The following RYR1 variants were observed in gnomAD, a reference collection of about 807,000 sequenced individuals.
RYR1 encodes the protein central core disease of muscle.
RYR1 carries 342 observed loss-of-function variants against 583.5 expected under a neutral mutation model. The observed-to-expected ratio is 0.59, with a 90% confidence interval of 0.54 to 0.64. The LOEUF is 0.64. Ranked by LOEUF, RYR1 falls within the 30% of genes least tolerant of loss-of-function variation. RYR1 has a pLI of 0.00. For missense variants in RYR1, 6,032 were observed against 6,917.2 expected (o/e 0.87, Z 4.54); for synonymous variants, 2,791 against 2,822.5 (o/e 0.99, Z 0.35).
At chr19:38,583,284 C>A in intron 101 of RYR1, among the ~76,000 whole-genome samples, 1 of 119,360 alleles carries the variant, frequency 8.4e-6, no homozygotes, top group Admixed American at 9.2e-5. Flanking sequence ...GCAACAAGAG[C>A]AAAACTCCAT....
At chr19:38,501,043 G>T in intron 47 of RYR1, 53 bp downstream of exon 47, 1 of 1,581,352 alleles carries the variant, frequency 6.3e-7, no homozygotes, top group East Asian at 2.2e-5. Flanking sequence ...AGAGGGACAG[G>T]AGATGGGTCA....
intron 31 of RYR1, among the ~76,000 whole-genome samples, chr19:38,479,468 T>C (rs1968905620): frequency 6.6e-6 from 1 of 152,004 alleles, no homozygotes; most frequent in Non-Finnish European, 1.5e-5. Context: ...AGTGCAGTGG[T>C]GTGATCACAG....
intron 28 of RYR1, 65 bp downstream of exon 28, chr19:38,473,836 C>A (rs1031257712): frequency 7.9e-7 from 1 of 1,259,082 alleles, no homozygotes; most frequent in Non-Finnish European, 1.1e-6. Context: ...TAGGCAACCA[C>A]AGTAACCTGA....
intron 96 of RYR1, among the ~76,000 whole-genome samples, chr19:38,573,750 G>GTCTTA (rs1042532165): frequency 1.8e-4 from 28 of 151,524 alleles, no homozygotes; most frequent in Admixed American, 1.7e-3. Context: ...TTCTCCCCAA[G>GTCTTA]TCTTACTCTT....
intron 75 of RYR1, 23 bp from the exon 76 acceptor site, chr19:38,528,928 C>G (rs369734766): frequency 8.5e-5 from 136 of 1,601,660 alleles, no homozygotes; most frequent in Non-Finnish European, 1.4e-5. Context: ...AACCCTCTCC[C>G]CAAGTCTCCC....
chr19:38,527,007 G>C lies in RYR1; in HGVS notation c.10641G>C (p.Glu3547Asp), dbSNP rs756958653. ...KTRYALKDTD[E>D]EVREFLHNNL... ...TGTCTCCCCAGAAAGACACAGATGAGGAGGTCCGGGAATTTCTGCACAACA... is the reference window on the plus strand; with the variant it reads ...TGTCTCCCCAGAAAGACACAGATGACGAGGTCCGGGAATTTCTGCACAACA... Residue 3547 changes from glutamate to aspartate, a missense_variant, in exon 72 of 106, where the codon GAG becomes GAC. Transcript: ENST00000359596. 3 of 1,613,974 alleles carry C rather than the reference G, an allele frequency of 1.9e-6. No homozygotes were observed. The highest frequency in any genetic ancestry group is 3.3e-5 in the Admixed American group (2 of 60,014).
At chr19:38,528,228 G>A (rs752733531) in intron 73 of RYR1, 78 bp from the exon 74 acceptor site, 4 of 1,202,546 alleles carry the variant, frequency 3.3e-6, no homozygotes, top group Admixed American at 1.7e-5. Flanking sequence ...CTTCGACACA[G>A]CTGGGCAGTT....
intron 3 of RYR1, 60 bp downstream of exon 3, chr19:38,442,513 C>A (rs1295241247): frequency 7.9e-6 from 10 of 1,267,974 alleles, no homozygotes; most frequent in Non-Finnish European, 1.0e-5. Context: ...ACCCAGGGGT[C>A]GTTTAGGGCA....
chr19:38,575,039 C>CA (rs35261562), intron 96 of RYR1, among the ~76,000 whole-genome samples: 244 of 90,108 alleles, frequency 2.7e-3, no homozygotes, highest in Non-Finnish European at 3.0e-3. Flanking sequence ...GACTCCGTCT[C>CA]AAAAAAAAAA....
intron 94 of RYR1, among the ~76,000 whole-genome samples, chr19:38,571,768 C>A (rs114276779): frequency 1.9e-4 from 29 of 152,330 alleles, no homozygotes; most frequent in African/African-American, 5.8e-4. Context: ...TGGGCAGTCT[C>A]TTTAGGGCTC....
intron 27 of RYR1, among the ~76,000 whole-genome samples, chr19:38,470,577 T>TA (rs1446553182): frequency 6.6e-6 from 1 of 151,954 alleles, no homozygotes; most frequent in African/African-American, 2.4e-5. Flanking sequence ...CCATCTCTAC[T>TA]AAAAATACTC....
chr19:38,511,380 C>T (rs916740488), intron 60 of RYR1, among the ~76,000 whole-genome samples, 181 bp from the exon 61 acceptor site: 9 of 152,188 alleles, frequency 5.9e-5, no homozygotes, highest in African/African-American at 2.2e-4. Context: ...TGTGACATTC[C>T]AGCTTGCCCA....
chr19:38,460,038 G>A (rs1285630875), intron 19 of RYR1, among the ~76,000 whole-genome samples: 1 of 151,872 alleles, frequency 6.6e-6, no homozygotes, highest in African/African-American at 2.4e-5. Context: ...CTTCTTATTG[G>A]TCTCCCCAAC....
At chr19:38,505,238 G>A in intron 52 of RYR1, 71 bp from the exon 53 acceptor site, 1 of 1,231,016 alleles carries the variant, frequency 8.1e-7, no homozygotes, top group African/African-American at 1.5e-5. Context: ...TCTGTCCTCG[G>A]CTCCTCCAGG....
At chr19:38,455,023 A>G (rs1203969071) in intron 13 of RYR1, among the ~76,000 whole-genome samples, 1 of 152,158 alleles carries the variant, frequency 6.6e-6, no homozygotes, top group African/African-American at 2.4e-5. Context: ...TATTGGGGAT[A>G]GAGTCAGAGA....
chr19:38,561,418 C>G lies in RYR1; in HGVS notation c.12588C>G (p.Ile4196Met). The G allele has an allele frequency of 6.2e-7, 1 of 1,612,014 alleles. No individual in the cohort carries two copies. The highest frequency in any genetic ancestry group is 8.5e-7 in the Non-Finnish European group (1 of 1,179,832). ...GCATCGAGCGCATCTACTTCGAGATCTCAGAGACCAACCGCGCCCAGTGGG... is the reference window on the plus strand; with the variant it reads ...GCATCGAGCGCATCTACTTCGAGATGTCAGAGACCAACCGCGCCCAGTGGG... ...SRRIERIYFE[I>M]SETNRAQWEM... The change falls in exon 90 of 106, where the codon ATC becomes ATG. Residue 4196 changes from isoleucine (I) to methionine (M), a missense_variant. Physicochemically the swap from Ile to Met is conservative, Grantham distance 10. This residue lies in a region of RYR1 where 753 missense variants were observed against 759.6 expected (regional missense o/e 0.99). Transcript: ENST00000359596. The surrounding 1 kb of genome is among the most constrained non-coding windows in gnomAD (Gnocchi z 4.8).
In RYR1 at chr19:38,525,478, G is replaced by T. The variant is rs766572003; in HGVS notation, c.10602G>T (p.Thr3534=). Residue 3534 remains threonine, a synonymous_variant, in exon 71 of 106, where the codon ACG becomes ACT. Transcript: ENST00000359596. ...CGCCCACCGACCAAGACCTCATCAC[G>T]CTGGCCAAGACCCGTTACGCCCTGG... The part of the protein sequence containing the change: ...MCAPTDQDLI[T]LAKTRYALKD... The T allele has an allele frequency of 3.7e-6, 6 of 1,613,866 alleles. No individual in the cohort carries two copies. In the South Asian group the frequency reaches 6.6e-5, roughly 18 times the overall value.
Position 38,483,211 on chromosome 19 carries a change from C to G in RYR1, c.4708-79C>G. 1.3e-6 allele frequency: 2 copies of G among 1,588,914 alleles called. No individual in the cohort carries two copies. The highest frequency in any genetic ancestry group is 1.1e-5 in the South Asian group (1 of 89,652). ...AGCCACTGAAGGGGAGGGGGCAATC[C>G]AAGAGGTCTCCCTGGAAGTGGTGTG... On this transcript the variant is annotated intron_variant, in intron 32 of 105. Transcript: ENST00000359596. This position sits in a 1 kb window ranked among gnomAD's most constrained non-coding sequence, Gnocchi z 6.3.
At chr19:38,584,604 C>G (rs1246284375) in intron 101 of RYR1, among the ~76,000 whole-genome samples, 3 of 73,650 alleles carry the variant, frequency 4.1e-5, no homozygotes, top group Non-Finnish European at 8.4e-5. Flanking sequence ...CCTGATTCCC[C>G]TGCCAGTGCC....
Sources: allele counts gnomAD v4.1 joint callset (sites outside exome capture counted in the v4.1 genomes callset), GRCh38; gene constraint gnomAD v4.1.1; regional missense constraint gnomAD v4.1.1; non-coding constraint Gnocchi (gnomAD v3.1); transcripts MANE v1.5; gene names NCBI Gene and HGNC (gene_info 2026-07-23, HGNC 2026-07-21).